The following PTPRD variants were observed in gnomAD, a reference collection of about 807,000 sequenced individuals.
PTPRD encodes receptor-type tyrosine-protein phosphatase delta.
Under a neutral mutation model 214.5 loss-of-function variants are expected in PTPRD, and 34 were observed. That is an observed-to-expected ratio of 0.16 (90% CI 0.12 to 0.21). PTPRD has a LOEUF of 0.21. Among genes scored for constraint, PTPRD ranks in the 10% least tolerant of loss-of-function variants. The probability of loss-of-function intolerance (pLI) is 1.00; values close to 1 mark genes in which losing one functional copy is unlikely to be tolerated. For synonymous variants in PTPRD, 1,128 were observed against 845.7 expected, an observed-to-expected ratio of 1.33 and a Z score of -5.79; for missense variants, 2,545 against 2,398.7, an observed-to-expected ratio of 1.06 and a Z score of -1.27.
intron 5 of PTPRD, among the ~76,000 whole-genome samples, chr9:9,879,674 G>A (rs2068018015): frequency 6.6e-6 from 1 of 152,104 alleles, no homozygotes; most frequent in Non-Finnish European, 1.5e-5. Context: ...GAAAGTTTAG[G>A]TTTTTTGATT....
intron 2 of PTPRD, among the ~76,000 whole-genome samples, chr9:10,610,253 T>C (rs552693328): frequency 2.0e-5 from 3 of 152,152 alleles, no homozygotes; most frequent in African/African-American, 7.2e-5. Context: ...CAAGCTTTAC[T>C]AGAAACAGCT....
intron 2 of PTPRD, among the ~76,000 whole-genome samples, chr9:10,468,089 G>A (rs1362013290): frequency 2.0e-5 from 3 of 152,188 alleles, no homozygotes; most frequent in South Asian, 4.1e-4. Context: ...GGAAGACAAT[G>A]TGGCATTTCC....
At chr9:10,423,462 A>G (rs1171124476) in intron 2 of PTPRD, among the ~76,000 whole-genome samples, 1 of 152,026 alleles carries the variant, frequency 6.6e-6, no homozygotes, top group Non-Finnish European at 1.5e-5. Context: ...AATTTAAAAA[A>G]AGGAAGATTA....
At position 8,347,132 on chromosome 9, in the gene PTPRD, C is replaced by A. The variant is rs77495171; in HGVS notation, c.4662-5154G>T. ...ATAATGTGCTGGTGATCGTCTCTCT[C>A]TAGTGACCTCATGTTTGTAGCTTGA... On this transcript the variant is annotated intron_variant, in intron 39 of 45. Coordinates refer to ENST00000381196, the MANE Select transcript of PTPRD (RefSeq NM_002839.4). Among the ~76,000 whole-genome samples, 1,330 of 152,148 alleles carry A rather than the reference C, an allele frequency of 8.7e-3. 7 individuals are homozygous for A. The highest frequency in any genetic ancestry group is 0.024 in the East Asian group (123 of 5,148).
rs566942605 is a variant in PTPRD at position 8,341,768 on chromosome 9, G to A, written c.4872C>T (p.Asn1624=). 6.2e-7 allele frequency: 1 copy of A among 1,613,590 alleles called. No individual in the cohort carries two copies. The highest frequency in any genetic ancestry group is 1.1e-5 in the South Asian group (1 of 91,066). The change falls in exon 40 of 46, where the codon AAC becomes AAT. Residue 1624 remains asparagine, a synonymous_variant. Coordinates refer to ENST00000381196, the MANE Select transcript of PTPRD (RefSeq NM_002839.4). ...TCGNTEVPAR[N]LYAYIQKLTQ... Reference sequence around the variant, plus strand: ...TCAGCTTCTGAATGTAGGCATACAAGTTTCTAGCTGGCACTTCGGTATTTC... The same window carrying A: ...TCAGCTTCTGAATGTAGGCATACAAATTTCTAGCTGGCACTTCGGTATTTC...
chr9:8,436,134 G>A (rs1307466094), intron 35 of PTPRD, among the ~76,000 whole-genome samples: 1 of 152,156 alleles, frequency 6.6e-6, no homozygotes, highest in Non-Finnish European at 1.5e-5. Context: ...TCATTTATAT[G>A]TGAAATCCAA....
At chr9:8,917,483 A>G (rs2098795588) in intron 11 of PTPRD, among the ~76,000 whole-genome samples, 1 of 151,980 alleles carries the variant, frequency 6.6e-6, no homozygotes, top group African/African-American at 2.4e-5. Context: ...GGGGCAAGGA[A>G]GCACAGGTCT....
Position 9,606,766 on chromosome 9 carries a change from G to A in PTPRD, c.-286-31985C>T, listed in dbSNP as rs555702987. 2.6e-5 allele frequency among the ~76,000 whole-genome samples: 4 copies of A among 151,712 alleles called. No homozygotes were observed. The South Asian group carries it at 8.3e-4, about 32-fold the overall frequency. On this transcript the variant is annotated intron_variant, in intron 7 of 45. Transcript: ENST00000381196. ...AAAACAACAGAAGTTCTTACTAAATGGGTAGATAGAGGTGGACAAATACAT... is the reference window on the plus strand; with the variant it reads ...AAAACAACAGAAGTTCTTACTAAATAGGTAGATAGAGGTGGACAAATACAT...
At chr9:9,864,059 C>G (rs1466398815) in intron 5 of PTPRD, among the ~76,000 whole-genome samples, 2 of 152,176 alleles carry the variant, frequency 1.3e-5, no homozygotes, top group East Asian at 1.9e-4. Flanking sequence ...AATCCCAGCA[C>G]TTTAGGAGGC....
At chr9:8,483,619 A>C (rs964575744) in intron 30 of PTPRD, among the ~76,000 whole-genome samples, 2 of 152,090 alleles carry the variant, frequency 1.3e-5, no homozygotes, top group Non-Finnish European at 2.9e-5. Context: ...AGACATGGCG[A>C]CAGGTGCCTG....
chr9:8,473,079 G>C (rs1483297237), intron 30 of PTPRD, among the ~76,000 whole-genome samples: 1 of 152,168 alleles, frequency 6.6e-6, no homozygotes, highest in Non-Finnish European at 1.5e-5. Context: ...ATCTTATTCA[G>C]TAAGACTGCA....
intron 4 of PTPRD, among the ~76,000 whole-genome samples, chr9:10,029,641 C>T (rs1174487959): frequency 6.6e-6 from 1 of 152,162 alleles, no homozygotes; most frequent in Non-Finnish European, 1.5e-5. Context: ...GGCTGTATTT[C>T]CCCAGTGCCT....
rs145034888 is a variant in PTPRD, at chr9:8,492,932, G to C, written c.2397C>G (p.Thr799=). 1 of 1,613,788 alleles carries C rather than the reference G, an allele frequency of 6.2e-7. No homozygotes were observed. Among genetic ancestry groups the C allele is most frequent in the Admixed American group, 1.7e-5 (1 of 59,996 alleles). ...GLQPETSYSL[T]VTAYTTKGDG... is the part of the protein sequence containing the mutation. ...CTCCTTTGGTTGTGTAGGCTGTGAC[G>C]GTGAGGGAGTAGGAAGTTTCAGGCT... is the stretch of plus-strand genomic sequence containing the variant. The change falls in exon 27 of 46, where the codon ACC becomes ACG. Residue 799 remains threonine (T), a synonymous_variant. Coordinates refer to ENST00000381196, the MANE Select transcript of PTPRD (RefSeq NM_002839.4).
Position 10,531,110 on chromosome 9 carries a change from C to T in PTPRD, c.-600+81288G>A, listed in dbSNP as rs551610360. On this transcript the variant is annotated intron_variant, in intron 2 of 45. Coordinates refer to ENST00000381196, the MANE Select transcript of PTPRD (RefSeq NM_002839.4). ...GATTGCAGGTGCAAGCCACCACGCC[C>T]GGCTAATTTTTGTATTTTTAGTAGA... is the stretch of plus-strand genomic sequence containing the variant. 7.9e-5 allele frequency among the ~76,000 whole-genome samples: 12 copies of T among 152,078 alleles called. No individual in the cohort carries two copies. In the South Asian group the frequency reaches 8.3e-4, roughly 11 times the overall value.
At chr9:8,681,843 C>G (rs1381839639) in intron 12 of PTPRD, among the ~76,000 whole-genome samples, 1 of 152,166 alleles carries the variant, frequency 6.6e-6, no homozygotes, top group Non-Finnish European at 1.5e-5. Flanking sequence ...AGTGATTGCC[C>G]TTCCCCACTT....
At position 9,962,186 on chromosome 9, in the gene PTPRD, G is replaced by C. The variant is rs548289234; in HGVS notation, c.-471-23576C>G. Among the ~76,000 whole-genome samples the C allele has an allele frequency of 5.3e-5, 8 of 152,118 alleles. No individual in the cohort carries two copies. In the South Asian group the frequency reaches 1.0e-3, roughly 20 times the overall value. ...TAAAATCACAAACCAAGCAATGAAG[G>C]CTGAACATATCAAAATACGTCAGGA... On this transcript the variant is annotated intron_variant, in intron 4 of 45. Coordinates refer to ENST00000381196, the MANE Select transcript of PTPRD (RefSeq NM_002839.4).
chr9:10,418,462 C>G (rs1330764816), intron 2 of PTPRD, among the ~76,000 whole-genome samples: 1 of 145,910 alleles, frequency 6.9e-6, no homozygotes, highest in African/African-American at 2.6e-5. Flanking sequence ...CACACACACA[C>G]ACACACACAC....
chr9:9,474,789 T>G (rs2094901953), intron 8 of PTPRD, among the ~76,000 whole-genome samples: 1 of 152,156 alleles, frequency 6.6e-6, no homozygotes, highest in Non-Finnish European at 1.5e-5. Flanking sequence ...TTTTGTATCT[T>G]GCAACTTTAC....
intron 10 of PTPRD, among the ~76,000 whole-genome samples, chr9:9,038,381 C>A (rs1178810081): frequency 1.3e-5 from 2 of 152,066 alleles, no homozygotes; most frequent in Non-Finnish European, 2.9e-5. Flanking sequence ...AAATTCCCCC[C>A]ACTTCGCTGT....
Sources: allele counts gnomAD v4.1 joint callset (sites outside exome capture counted in the v4.1 genomes callset), GRCh38; gene constraint gnomAD v4.1.1; transcripts MANE v1.5; gene names NCBI Gene and HGNC (gene_info 2026-07-23, HGNC 2026-07-21).